Variants in TGM2 observed in about 807,000 individuals in gnomAD.
TGM2 encodes protein-glutamine gamma-glutamyltransferase 2.
A neutral mutation model predicts 75.6 loss-of-function variants in TGM2; 53 were observed. The observed-to-expected ratio is 0.70, with a 90% CI of 0.56 to 0.88. The LOEUF (loss-of-function observed/expected upper bound fraction) is 0.88, where lower values mean the gene tolerates loss of function less well. Among genes scored for constraint, TGM2 ranks in the 40% least tolerant of loss-of-function variants. TGM2 has a pLI of 0.00. For missense variants in TGM2, 842 were observed against 928.5 expected, an observed-to-expected ratio of 0.91 and a Z score of 1.21; for synonymous variants, 374 against 381.1, an observed-to-expected ratio of 0.98 and a Z score of 0.22.
chr20:38,130,355 T>C lies in TGM2; in HGVS notation c.1928A>G (p.Glu643Gly), dbSNP rs1427651251. 6.3e-7 allele frequency: 1 copy of C among 1,594,268 alleles called. No individual in the cohort carries two copies. Among genetic ancestry groups the C allele is most frequent in the Non-Finnish European group, 8.5e-7 (1 of 1,171,106 alleles). ...QKTVEIPDPVEAGEEVKVRMD... is the reference protein window; with the variant it reads ...QKTVEIPDPVGAGEEVKVRMD... ...TCTCACCTTAACTTCCTCCCCTGCC[T>C]CCACGGGGTCTGGGCTGCAGGGAGA... Residue 643 changes from glutamate to glycine, a missense_variant, in exon 13 of 13, where the codon GAG (glutamate) becomes GGG (glycine). Glu to Gly is a moderately conservative substitution (Grantham distance 98, BLOSUM62 -2). Transcript: ENST00000361475.
intron 10 of TGM2, 160 bp downstream of exon 10, chr20:38,137,953 G>C: frequency 1.4e-6 from 2 of 1,429,612 alleles, no homozygotes; most frequent in South Asian, 3.1e-5. Context: ...TAAGAATTAA[G>C]TGGGTTGATA....
At chr20:38,166,305 A>ATTCCTCCCTCGGCCTTCTCTTCCC (rs1600528996), upstream of TGM2, 13 of 144,642 alleles carry the variant, frequency 9.0e-5, no homozygotes, top group East Asian at 1.0e-3. Context: ...CCCTTCATCC[A>ATTCCTCCCTCGGCCTTCTCTTCCC]TCCCTCCCTC....
intron 3 of TGM2, among the ~76,000 whole-genome samples, chr20:38,151,727 T>C (rs1249836178): frequency 2.0e-5 from 3 of 152,096 alleles, no homozygotes; most frequent in African/African-American, 7.2e-5. Flanking sequence ...CTGGAGGAGG[T>C]GGCATCTGAA....
At chr20:38,150,222 C>T (rs8121932) in intron 4 of TGM2, among the ~76,000 whole-genome samples, 313 of 152,276 alleles carry the variant, frequency 2.1e-3, no homozygotes, top group African/African-American at 7.2e-3. Context: ...GAGTGAGAAA[C>T]CACGTGAAAC....
intron 3 of TGM2, among the ~76,000 whole-genome samples, chr20:38,153,546 A>AAGAAAAGAAAAAAAAAAAAT (rs1568698243): frequency 6.6e-6 from 1 of 151,678 alleles, no homozygotes; most frequent in African/African-American, 2.4e-5. Flanking sequence ...AAAAAAAAAA[A>AAGAAAAGAAAAAAAAAAAAT]GAATGAATGA....
At chr20:38,153,989 G>A (rs1300739187) in intron 3 of TGM2, among the ~76,000 whole-genome samples, 1 of 152,132 alleles carries the variant, frequency 6.6e-6, no homozygotes, top group African/African-American at 2.4e-5. Flanking sequence ...TCTAATTTTT[G>A]TATTTTTTAT....
chr20:38,141,490 C>A, intron 7 of TGM2, 105 bp from the exon 8 acceptor site: 1 of 888,126 alleles, frequency 1.1e-6, no homozygotes. Context: ...AAGCTCGCCT[C>A]GTCCCAAACT....
upstream of TGM2, chr20:38,166,317 G>GCCTTCTCTTCCCTCCCTCCCTCGC (rs2122990741): frequency 6.6e-6 from 1 of 152,098 alleles, no homozygotes; most frequent in Non-Finnish European, 1.5e-5. Flanking sequence ...CCCTCCCTCG[G>GCCTTCTCTTCCCTCCCTCCCTCGC]CCTTCTCTTC....
At position 38,130,063 on chromosome 20, in the gene TGM2, A is replaced by G. The variant is rs935597946; in HGVS notation, c.*156T>C. 13 of 962,010 alleles carry G rather than the reference A, an allele frequency of 1.4e-5. No homozygotes were observed. The highest frequency in any genetic ancestry group is 1.8e-5 in the Non-Finnish European group (12 of 648,800). The allele number at this position is 962,010 out of a possible 1,614,324, so 59.6% of individuals were successfully genotyped here. A position where few individuals can be genotyped will look rare whatever the true frequency, so the allele number is the denominator to read the frequency against. ...GGACCCACAGGCTCAGGAGGCTGAG[A>G]TGGGCCAGGGGCACATTCCATTTCC... On this transcript the variant is annotated 3_prime_UTR_variant, in exon 13 of 13. Coordinates refer to ENST00000361475, the MANE Select transcript of TGM2 (RefSeq NM_004613.4).
At chr20:38,141,246 C>A (rs1293915740) in intron 8 of TGM2, 36 bp downstream of exon 8, 2 of 1,511,286 alleles carry the variant, frequency 1.3e-6, no homozygotes, top group East Asian at 4.9e-5. Flanking sequence ...CCTCGTCTTC[C>A]CCATCTGTTT....
At chr20:38,149,662 G>A (rs1195318880) in intron 4 of TGM2, among the ~76,000 whole-genome samples, 1 of 97,366 alleles carries the variant, frequency 1.0e-5, no homozygotes, top group Non-Finnish European at 1.9e-5. Context: ...CTGGGCAACA[G>A]AGCGAGACTC....
chr20:38,139,457 G>T lies in TGM2; in HGVS notation c.1297C>A (p.Arg433=), dbSNP rs1424683541. The change falls in exon 9 of 13, where the codon CGA becomes AGA. Residue 433 remains arginine (R), a synonymous_variant. Transcript: ENST00000361475. ...GLKISTKSVG[R]DEREDITHTY... ...TGGGTGATATCCTCCCGCTCGTCTCGGCCCACGCTCTTAGTGCTGATCTTC... is the reference window on the plus strand; with the variant it reads ...TGGGTGATATCCTCCCGCTCGTCTCTGCCCACGCTCTTAGTGCTGATCTTC... The T allele has an allele frequency of 6.2e-7, 1 of 1,614,114 alleles. No homozygotes were observed. The highest frequency in any genetic ancestry group is 1.7e-5 in the Admixed American group (1 of 60,014).
chr20:38,147,807 C>T (rs1389482901), intron 5 of TGM2, among the ~76,000 whole-genome samples, 154 bp downstream of exon 5: 1 of 152,192 alleles, frequency 6.6e-6, no homozygotes, highest in Non-Finnish European at 1.5e-5. Context: ...CTCATCTGTG[C>T]AAATCTTATC....
intron 10 of TGM2, chr20:38,133,242 G>A (rs1320889745): frequency 1.1e-5 from 2 of 188,942 alleles, no homozygotes; most frequent in South Asian, 2.2e-4. Flanking sequence ...TTGCACAGAT[G>A]AAGAATCACC....
At chr20:38,148,856 T>G (rs1452718900) in intron 4 of TGM2, among the ~76,000 whole-genome samples, 2 of 152,194 alleles carry the variant, frequency 1.3e-5, no homozygotes, top group Non-Finnish European at 2.9e-5. Flanking sequence ...GGACCCCTTC[T>G]TGCCACCTTC....
rs140494859 is a variant in TGM2 at position 38,157,827 on chromosome 20, T to C, written c.191-1738A>G. ...ATTTTGAACAGTGACCAGCTCACAG[T>C]AATCATGCAGGAAATGTGAGCTATC... On this transcript the variant is annotated intron_variant, in intron 2 of 12. Transcript: ENST00000361475. Among the ~76,000 whole-genome samples, 747 of 152,360 alleles carry C rather than the reference T, an allele frequency of 4.9e-3. 2 individuals are homozygous for C. Among genetic ancestry groups the C allele is most frequent in the African/African-American group, 0.017 (720 of 41,586 alleles).
intron 6 of TGM2, among the ~76,000 whole-genome samples, chr20:38,144,668 G>C (rs2075023031): frequency 6.6e-6 from 1 of 152,170 alleles, no homozygotes; most frequent in Non-Finnish European, 1.5e-5. Flanking sequence ...AGGCTTGGAG[G>C]CATCAATTCT....
chr20:38,136,709 C>T (rs2074905087), intron 10 of TGM2, among the ~76,000 whole-genome samples: 1 of 152,194 alleles, frequency 6.6e-6, no homozygotes, highest in African/African-American at 2.4e-5. Flanking sequence ...CCCCTCTGCC[C>T]TCCTCACACC....
At position 38,161,461 on chromosome 20, in the gene TGM2, T is replaced by C. The variant is rs780567908; in HGVS notation, c.149A>G (p.Tyr50Cys). 1.2e-6 allele frequency: 2 copies of C among 1,614,022 alleles called. No individual in the cohort carries two copies. The highest frequency in any genetic ancestry group is 2.7e-5 in the African/African-American group (2 of 74,926). Residue 50 changes from tyrosine (Y) to cysteine (C), a missense_variant, in exon 2 of 13, where the codon TAC becomes TGC. Coordinates refer to ENST00000361475, the MANE Select transcript of TGM2 (RefSeq NM_004613.4). ...GGTGAGACTGTCTACACTGGCCTCGTAGTTGCGGCCCTCAAAGTGCAGGGT... is the reference window on the plus strand; with the variant it reads ...GGTGAGACTGTCTACACTGGCCTCGCAGTTGCGGCCCTCAAAGTGCAGGGT... The part of the protein sequence containing the change: ...WLTLHFEGRN[Y>C]EASVDSLTFS...
Sources: allele counts gnomAD v4.1 joint callset (sites outside exome capture counted in the v4.1 genomes callset), GRCh38; gene constraint gnomAD v4.1.1; transcripts MANE v1.5; gene names NCBI Gene and HGNC (gene_info 2026-07-23, HGNC 2026-07-21).